The following TANGO6 variants were observed in gnomAD, a reference collection of about 807,000 sequenced individuals.
TANGO6 encodes transport and Golgi organization protein 6 homolog.
Under a neutral mutation model 114.2 loss-of-function variants are expected in TANGO6, and 90 were observed. The observed-to-expected ratio is 0.79, with a 90% CI of 0.66 to 0.94. The LOEUF (loss-of-function observed/expected upper bound fraction) is 0.94. Ranked by LOEUF, TANGO6 falls within the 40% of genes least tolerant of loss-of-function variation. The pLI is 0.00. For synonymous variants in TANGO6, 477 were observed against 509.8 expected (o/e 0.94, Z 0.87); for missense variants, 1,274 against 1,315.3 (o/e 0.97, Z 0.49).
intron 15 of TANGO6, among the ~76,000 whole-genome samples, chr16:68,982,692 G>A (rs1454510059): frequency 3.2e-5 from 4 of 126,722 alleles, no homozygotes; most frequent in African/African-American, 9.8e-5. Context: ...GGCTGGTCTC[G>A]AACTCCTGGG....
intron 15 of TANGO6, among the ~76,000 whole-genome samples, chr16:68,977,883 A>G (rs1963780359): frequency 6.6e-6 from 1 of 151,754 alleles, no homozygotes; most frequent in Non-Finnish European, 1.5e-5. Flanking sequence ...ACAGGGTTTC[A>G]CCATGTTGGA....
intron 16 of TANGO6, among the ~76,000 whole-genome samples, chr16:69,029,952 A>C (rs1959567675): frequency 6.6e-6 from 1 of 151,858 alleles, no homozygotes; most frequent in Non-Finnish European, 1.5e-5. Flanking sequence ...TACTAAAATT[A>C]TAAAAATTAG....
At chr16:68,865,843 A>G (rs866147620) in intron 3 of TANGO6, among the ~76,000 whole-genome samples, 22 of 151,066 alleles carry the variant, frequency 1.5e-4, no homozygotes, top group Non-Finnish European at 3.0e-4. Context: ...GCGTGAACCC[A>G]GGAGGCGGAG....
chr16:68,957,188 G>A (rs1322924490), intron 14 of TANGO6, among the ~76,000 whole-genome samples: 1 of 151,950 alleles, frequency 6.6e-6, no homozygotes, highest in Non-Finnish European at 1.5e-5. Context: ...GCAACATAAA[G>A]TTGGCCATTT....
intron 1 of TANGO6, among the ~76,000 whole-genome samples, chr16:68,850,579 C>T (rs1961885686): frequency 6.6e-6 from 1 of 152,090 alleles, no homozygotes; most frequent in Non-Finnish European, 1.5e-5. Flanking sequence ...AAATAATTTT[C>T]TGTGTGGTTA....
rs62055806 is a variant in TANGO6, at chr16:68,879,110, C to G, written c.1294+830C>G. On this transcript the variant is annotated intron_variant, in intron 6 of 17. Coordinates refer to ENST00000261778, the MANE Select transcript of TANGO6 (RefSeq NM_024562.2). ...ATAATAATATATGATAAAACTATGTCTAAATAAATAGAAAGACTTATTATA... is the reference window on the plus strand; with the variant it reads ...ATAATAATATATGATAAAACTATGTGTAAATAAATAGAAAGACTTATTATA... Among the ~76,000 whole-genome samples the G allele has an allele frequency of 6.9e-3, 1,042 of 151,990 alleles. 6 individuals are homozygous for G. Among genetic ancestry groups the G allele is most frequent in the Middle Eastern group, 0.014 (4 of 294 alleles).
intron 1 of TANGO6, among the ~76,000 whole-genome samples, chr16:68,846,186 G>A (rs1341159225): frequency 2.0e-5 from 3 of 151,506 alleles, no homozygotes; most frequent in South Asian, 2.1e-4. Flanking sequence ...CCACATGCCC[G>A]GCTAATTTTT....
At chr16:69,019,837 C>T (rs1959370135) in intron 15 of TANGO6, among the ~76,000 whole-genome samples, 1 of 152,170 alleles carries the variant, frequency 6.6e-6, no homozygotes, top group Non-Finnish European at 1.5e-5. Flanking sequence ...CGTGCCCAGC[C>T]TACTTTGGGC....
intron 17 of TANGO6, among the ~76,000 whole-genome samples, chr16:69,053,270 C>G (rs1959982337): frequency 6.6e-6 from 1 of 151,998 alleles, no homozygotes. Context: ...TCCCCCTCCC[C>G]ATTCTCCCTA....
chr16:68,990,852 T>C (rs1312088596), intron 15 of TANGO6, among the ~76,000 whole-genome samples: 1 of 152,148 alleles, frequency 6.6e-6, no homozygotes, highest in Non-Finnish European at 1.5e-5. Flanking sequence ...TGAAAGACTT[T>C]AAGGAGGAAA....
Position 68,875,279 on chromosome 16 carries a change from A to T in TANGO6, c.1120A>T (p.Ile374Phe). The part of the protein sequence containing the change: ...SLSPENYYRD[I>F]CPQVLDLFHF... Reference sequence around the variant, plus strand: ...TTCACCAGAGAATTACTACAGGGACATCTGCCCCCAGGTAAATCTTTTTGT... The same window carrying T: ...TTCACCAGAGAATTACTACAGGGACTTCTGCCCCCAGGTAAATCTTTTTGT... The change falls in exon 5 of 18, where the codon ATC becomes TTC. Residue 374 changes from isoleucine (I) to phenylalanine (F), a missense_variant. Physicochemically the swap from Ile to Phe is conservative, Grantham distance 21 (BLOSUM62 0). Coordinates refer to ENST00000261778, the MANE Select transcript of TANGO6 (RefSeq NM_024562.2). 1 of 1,612,936 alleles carries T rather than the reference A, an allele frequency of 6.2e-7. No individual in the cohort carries two copies. The highest frequency in any genetic ancestry group is 2.2e-5 in the East Asian group (1 of 44,874).
chr16:68,964,970 C>G (rs548757976), intron 14 of TANGO6, among the ~76,000 whole-genome samples: 1 of 152,054 alleles, frequency 6.6e-6, no homozygotes, highest in Non-Finnish European at 1.5e-5. Flanking sequence ...TTTTCTATTA[C>G]GAATAGTGCT....
intron 16 of TANGO6, among the ~76,000 whole-genome samples, chr16:69,039,741 C>T (rs562819474): frequency 2.6e-5 from 4 of 152,312 alleles, no homozygotes; most frequent in South Asian, 2.1e-4. Flanking sequence ...GACTCACATC[C>T]GGTGTACACT....
chr16:68,860,361 C>G lies in TANGO6; in HGVS notation c.572C>G (p.Ala191Gly), dbSNP rs373525275. ...GTGTGTTTTGATGCTGCCCCCGATG[C>G]AACTCGAAGACTGTACACCAGCTGC... Reference protein sequence around the residue: ...DVVCFDAAPDATRRLYTSCKA... With the variant: ...DVVCFDAAPDGTRRLYTSCKA... Residue 191 changes from alanine (A) to glycine (G), a missense_variant, in exon 2 of 18, where the codon GCA (alanine) becomes GGA (glycine). Physicochemically the swap from Ala to Gly is moderately conservative, Grantham distance 60. Around this residue, in one of 5 missense-constraint regions of TANGO6, gnomAD observed 908 missense variants for 910.2 expected, o/e 1.00. Transcript: ENST00000261778. 3.0e-5 allele frequency: 48 copies of G among 1,613,962 alleles called. No homozygotes were observed. In the African/African-American group the frequency reaches 6.3e-4, roughly 21 times the overall value.
chr16:69,044,041 A>G (rs1005649465), intron 17 of TANGO6, among the ~76,000 whole-genome samples: 3 of 152,190 alleles, frequency 2.0e-5, no homozygotes, highest in Admixed American at 6.6e-5. Flanking sequence ...AGCCAACACA[A>G]TATCCACATT....
intron 15 of TANGO6, among the ~76,000 whole-genome samples, chr16:68,986,964 C>G (rs1441136869): frequency 6.6e-6 from 1 of 152,082 alleles, no homozygotes; most frequent in Admixed American, 6.6e-5. Flanking sequence ...CTTCTTCCAG[C>G]CAGTTGGAGA....
intron 15 of TANGO6, among the ~76,000 whole-genome samples, chr16:69,014,057 G>A (rs1334897364): frequency 6.6e-6 from 1 of 152,134 alleles, no homozygotes; most frequent in Non-Finnish European, 1.5e-5. Context: ...TATATGAAGA[G>A]CATTCCAGTT....
intron 6 of TANGO6, among the ~76,000 whole-genome samples, chr16:68,879,217 T>C (rs1264761107): frequency 6.6e-6 from 1 of 152,026 alleles, no homozygotes; most frequent in Admixed American, 6.5e-5. Flanking sequence ...GCGATCTTCC[T>C]GCTTCAGCCT....
At chr16:68,909,572 C>G (rs376870939) in intron 11 of TANGO6, 170 bp downstream of exon 11, 7 of 508,216 alleles carry the variant, frequency 1.4e-5, no homozygotes, top group East Asian at 7.1e-5. Flanking sequence ...GAATCCAAAA[C>G]GTTCCAGTGT....
Sources: gnomAD v4.1 joint callset for allele counts (sites outside exome capture counted in the v4.1 genomes callset) on GRCh38, gnomAD v4.1.1 for gene constraint, gnomAD v4.1.1 regional missense constraint, MANE v1.5 for transcripts, NCBI Gene and HGNC (gene_info 2026-07-23, HGNC 2026-07-21) for gene names.